MRFAP1L2: variants seen among roughly 807,000 people sequenced by gnomAD.
MRFAP1L2 encodes the protein Morf4 family associated protein 1 like 2.
chr4:6,674,191 G>T, the MRFAP1L2 span: 1 of 393,156 alleles, frequency 2.5e-6, no homozygotes, highest in Non-Finnish European at 4.5e-6. Context: ...GTGCCCCGCG[G>T]GCTGGAAGAG....
the MRFAP1L2 span, chr4:6,675,240 A>G: frequency 6.6e-6 from 1 of 152,312 alleles, no homozygotes; most frequent in East Asian, 1.9e-4. Flanking sequence ...GTAAAGGAAT[A>G]TGGCCTATAC....
the MRFAP1L2 span, chr4:6,675,358 T>G: frequency 1.3e-5 from 2 of 152,196 alleles, no homozygotes; most frequent in Non-Finnish European, 2.9e-5. Flanking sequence ...TTCCTGGAAT[T>G]TGGGGACTCA....
At chr4:6,675,872 G>A in the MRFAP1L2 span, 1 of 152,192 alleles carries the variant, frequency 6.6e-6, no homozygotes, top group Non-Finnish European at 1.5e-5. Flanking sequence ...ACTAGCCTAG[G>A]TCATCAGAGC....
the MRFAP1L2 span, chr4:6,674,482 C>G: frequency 3.0e-6 from 2 of 667,308 alleles, no homozygotes; most frequent in East Asian, 3.1e-5. Context: ...GGCTGTGCGC[C>G]GAAGCAGAGA....
At chr4:6,674,835 A>G in the MRFAP1L2 span, 4 of 416,758 alleles carry the variant, frequency 9.6e-6, no homozygotes, top group East Asian at 1.6e-4. Context: ...CATGCTGGAA[A>G]CGTGTGAATG....
At chr4:6,674,252 G>C in the MRFAP1L2 span, 4 of 426,152 alleles carry the variant, frequency 9.4e-6, no homozygotes, top group Non-Finnish European at 1.6e-5. Flanking sequence ...GGAGCCCCGC[G>C]AGGAGCCGGG....
the MRFAP1L2 span, chr4:6,674,275 C>T: frequency 5.4e-5 from 27 of 503,586 alleles, no homozygotes; most frequent in Admixed American, 6.7e-4. Context: ...GCCCGCTGAG[C>T]CCCGCGCCCC....
At chr4:6,674,485 A>G in the MRFAP1L2 span, 4 of 668,134 alleles carry the variant, frequency 6.0e-6, no homozygotes, top group African/African-American at 1.9e-5. Flanking sequence ...TGTGCGCCGA[A>G]GCAGAGAGGA....
chr4:6,674,533 G>C, the MRFAP1L2 span: 1 of 668,346 alleles, frequency 1.5e-6, no homozygotes, highest in Non-Finnish European at 2.7e-6. Context: ...GGCGGATCGT[G>C]GAGCTGCACC....
chr4:6,675,808 A>C, the MRFAP1L2 span: 5 of 152,178 alleles, frequency 3.3e-5, no homozygotes, highest in Non-Finnish European at 7.3e-5. Flanking sequence ...TGAGGAAGGA[A>C]AGCTTCAAGC....
At chr4:6,675,250 C>T in the MRFAP1L2 span, 3 of 152,268 alleles carry the variant, frequency 2.0e-5, no homozygotes, top group African/African-American at 7.2e-5. Flanking sequence ...ATGGCCTATA[C>T]AGTACGTACG....
chr4:6,674,752 C>T, the MRFAP1L2 span: 232 of 507,426 alleles, frequency 4.6e-4, no homozygotes, highest in African/African-American at 4.3e-3. Flanking sequence ...AGAGTCATGA[C>T]CACTGGAAGT....
the MRFAP1L2 span, chr4:6,674,633 G>A: frequency 7.1e-6 from 4 of 562,898 alleles, no homozygotes; most frequent in Middle Eastern, 8.9e-4. Context: ...CGTGGAAGGC[G>A]CTGGGTAGGC....
chr4:6,674,205 G>A, the MRFAP1L2 span: 4 of 395,010 alleles, frequency 1.0e-5, no homozygotes, highest in African/African-American at 2.1e-5. Context: ...GGAAGAGGCG[G>A]CGGCGTGATG....
chr4:6,674,663 C>T, the MRFAP1L2 span: 113 of 531,634 alleles, frequency 2.1e-4, no homozygotes, highest in Admixed American at 2.3e-3. Context: ...AGCGCAGAGC[C>T]GTGCCACGCT....
At chr4:6,674,436 C>A in the MRFAP1L2 span, 12 of 656,930 alleles carry the variant, frequency 1.8e-5, no homozygotes, top group Non-Finnish European at 3.3e-5. Context: ...GCCCCAGCAC[C>A]CCGCCCGCGT....
At chr4:6,674,506 G>A in the MRFAP1L2 span, 2 of 671,760 alleles carry the variant, frequency 3.0e-6, no homozygotes, top group Non-Finnish European at 5.4e-6. Context: ...AGGCTGCGGA[G>A]GCGGCGCGGA....
chr4:6,674,238 C>T, the MRFAP1L2 span: 1 of 411,490 alleles, frequency 2.4e-6, no homozygotes, highest in Non-Finnish European at 4.3e-6. Context: ...GCGGACGAGG[C>T]GCGGGAGCCC....
chr4:6,674,629 A>C, the MRFAP1L2 span: 6 of 573,166 alleles, frequency 1.0e-5, no homozygotes, highest in Non-Finnish European at 1.8e-5. Context: ...CCCGCGTGGA[A>C]GGCGCTGGGT....
Sources: allele counts gnomAD v4.1 joint callset, GRCh38; gene constraint gnomAD v4.1.1; transcripts MANE v1.5; gene names NCBI Gene and HGNC (gene_info 2026-07-23, HGNC 2026-07-21).